The following FNIP1 variants were observed in gnomAD, a reference collection of about 807,000 sequenced individuals.
FNIP1 encodes folliculin-interacting protein 1.
Under a neutral mutation model 124.5 loss-of-function variants are expected in FNIP1, and 40 were observed. That is an observed-to-expected ratio of 0.32 (90% confidence interval 0.25 to 0.42). FNIP1 has a LOEUF of 0.42. FNIP1 is among the 10% of genes least tolerant of loss of function. The probability of loss-of-function intolerance (pLI) is 1.00; values close to 1 mark genes in which losing one functional copy is unlikely to be tolerated. For missense variants in FNIP1, 1,176 were observed against 1,403.7 expected (o/e 0.84, Z 2.59); for synonymous variants, 472 against 470.6 (o/e 1.00, Z -0.04).
At chr5:131,690,021 C>T (rs182225332) in intron 11 of FNIP1, among the ~76,000 whole-genome samples, 5 of 151,970 alleles carry the variant, frequency 3.3e-5, no homozygotes, top group Non-Finnish European at 7.4e-5. Context: ...GAGATCGAGG[C>T]CATCCTGGCT....
chr5:131,757,963 T>G (rs960501801), intron 1 of FNIP1, among the ~76,000 whole-genome samples: 1 of 152,226 alleles, frequency 6.6e-6, no homozygotes, highest in Non-Finnish European at 1.5e-5. Flanking sequence ...GGAAGACATG[T>G]GTACTTCTGC....
At chr5:131,779,719 T>C (rs1282758585) in intron 1 of FNIP1, among the ~76,000 whole-genome samples, 1 of 141,322 alleles carries the variant, frequency 7.1e-6, no homozygotes, top group East Asian at 2.1e-4. Flanking sequence ...GAAAAAGAAA[T>C]GATAGGATGT....
rs531831074 is a variant in FNIP1 at position 131,724,841 on chromosome 5, G to A, written c.355-5424C>T. ...GGGTTTTTATGGTTTTAGGTCTTAC[G>A]TTTAAGTCTTTAATCCATCTTGAAT... On this transcript the variant is annotated intron_variant, in intron 3 of 17. Coordinates refer to ENST00000510461, the MANE Select transcript of FNIP1 (RefSeq NM_133372.3). Among the ~76,000 whole-genome samples the A allele has an allele frequency of 3.7e-3, 557 of 152,236 alleles. 3 individuals carry two copies. Among genetic ancestry groups the A allele is most frequent in the African/African-American group, 0.013 (520 of 41,554 alleles).
chr5:131,693,935 G>A (rs1386654406), intron 11 of FNIP1, among the ~76,000 whole-genome samples: 3 of 151,914 alleles, frequency 2.0e-5, no homozygotes, highest in Non-Finnish European at 2.9e-5. Flanking sequence ...ACACTTCACC[G>A]AAAAAGATAC....
chr5:131,708,858 T>C (rs13357655), intron 8 of FNIP1, among the ~76,000 whole-genome samples: 7,951 of 151,730 alleles, frequency 0.052, 360 homozygotes, highest in African/African-American at 0.12. Context: ...AATATGACAA[T>C]TTAAACTTTA....
chr5:131,715,710 C>T (rs1769445888), intron 6 of FNIP1, among the ~76,000 whole-genome samples: 1 of 152,144 alleles, frequency 6.6e-6, no homozygotes, highest in Non-Finnish European at 1.5e-5. Flanking sequence ...AACACTATGA[C>T]TAGCCCACAG....
intron 1 of FNIP1, among the ~76,000 whole-genome samples, chr5:131,770,201 A>G (rs979732293): frequency 6.6e-6 from 1 of 152,238 alleles, no homozygotes; most frequent in African/African-American, 2.4e-5. Context: ...AGCAGGCCCT[A>G]ATGATCACAG....
intron 6 of FNIP1, among the ~76,000 whole-genome samples, chr5:131,714,435 T>C (rs1769399637): frequency 6.6e-6 from 1 of 152,142 alleles, no homozygotes; most frequent in Non-Finnish European, 1.5e-5. Context: ...AAAAAACAGG[T>C]AAAGGACCCG....
intron 2 of FNIP1, among the ~76,000 whole-genome samples, chr5:131,734,531 G>A (rs368446960): frequency 2.0e-5 from 3 of 152,216 alleles, no homozygotes; most frequent in South Asian, 4.1e-4. Flanking sequence ...GCAACCTACA[G>A]AATGGGAGAA....
chr5:131,671,569 C>T lies in FNIP1; in HGVS notation c.2875G>A (p.Val959Ile). Residue 959 changes from valine (V) to isoleucine (I), a missense_variant, in exon 14 of 18, where the codon GTT (valine) becomes ATT (isoleucine). Physicochemically the swap from Val to Ile is conservative, Grantham distance 29. This residue lies in a region of FNIP1 where 1,109 missense variants were observed against 1,288.5 expected (regional missense o/e 0.86). Coordinates refer to ENST00000510461, the MANE Select transcript of FNIP1 (RefSeq NM_133372.3). Reference sequence around the variant, plus strand: ...TGCTCTCCTCCATAATAACTGCTAACTTGTCTAGTCATATCATGACCTGTA... The same window carrying T: ...TGCTCTCCTCCATAATAACTGCTAATTTGTCTAGTCATATCATGACCTGTA... ...EDTGHDMTRQ[V>I]SSYYGGEQED... The T allele has an allele frequency of 1.9e-6, 3 of 1,613,648 alleles. No homozygotes were observed. Among genetic ancestry groups the T allele is most frequent in the Non-Finnish European group, 2.5e-6 (3 of 1,179,992 alleles).
At chr5:131,752,065 C>T (rs1236694600) in intron 1 of FNIP1, among the ~76,000 whole-genome samples, 1 of 151,708 alleles carries the variant, frequency 6.6e-6, no homozygotes, top group Admixed American at 6.6e-5. Flanking sequence ...TTTTTGGAGA[C>T]AAGAGTTTCG....
intron 3 of FNIP1, among the ~76,000 whole-genome samples, chr5:131,721,016 G>C (rs1415507757): frequency 2.0e-5 from 3 of 152,184 alleles, no homozygotes. Context: ...ATCTCAAAGA[G>C]ATGTTAGCAC....
intron 11 of FNIP1, among the ~76,000 whole-genome samples, chr5:131,692,215 T>C (rs944503065): frequency 2.6e-5 from 4 of 152,142 alleles, no homozygotes; most frequent in African/African-American, 9.7e-5. Context: ...CAGAATACAA[T>C]GTAAATATAC....
intron 6 of FNIP1, among the ~76,000 whole-genome samples, chr5:131,715,001 A>C (rs954452807): frequency 2.0e-5 from 3 of 152,234 alleles, no homozygotes; most frequent in Non-Finnish European, 4.4e-5. Flanking sequence ...AGAAAATAAG[A>C]AATGGTAGAC....
rs751109861 is a variant in FNIP1 at position 131,672,022 on chromosome 5, A to C, written c.2422T>G (p.Ser808Ala). 5.6e-6 allele frequency: 9 copies of C among 1,613,620 alleles called. No homozygotes were observed. Among genetic ancestry groups the C allele is most frequent in the Non-Finnish European group, 6.8e-6 (8 of 1,179,916 alleles). ...KQTTKDQSGE[S>A]DTQNMVSEEP... ...TCAGAAACCATGTTCTGTGTATCAG[A>C]CTCTCCAGATTGGTCCTTGGTTGTT... The change falls in exon 14 of 18, where the codon TCT becomes GCT. Residue 808 changes from serine (S) to alanine (A), a missense_variant. Physicochemically the swap from Ser to Ala is moderately conservative, Grantham distance 99 (BLOSUM62 1). Around this residue, in one of 2 missense-constraint regions of FNIP1, gnomAD observed 1,109 missense variants for 1,288.5 expected, o/e 0.86. Coordinates refer to ENST00000510461, the MANE Select transcript of FNIP1 (RefSeq NM_133372.3).
intron 1 of FNIP1, among the ~76,000 whole-genome samples, chr5:131,746,552 T>A (rs765924165): frequency 5.3e-5 from 8 of 152,214 alleles, no homozygotes; most frequent in Non-Finnish European, 1.2e-4. Flanking sequence ...CTGCATTAAT[T>A]CACTCAGGAT....
chr5:131,725,705 T>C (rs897266118), intron 3 of FNIP1, among the ~76,000 whole-genome samples: 5 of 152,334 alleles, frequency 3.3e-5, no homozygotes, highest in Admixed American at 1.3e-4. Context: ...TCTTGCCTGA[T>C]TGCCCTGGCC....
At chr5:131,782,694 A>G (rs1772036148) in intron 1 of FNIP1, among the ~76,000 whole-genome samples, 1 of 152,242 alleles carries the variant, frequency 6.6e-6, no homozygotes, top group African/African-American at 2.4e-5. Context: ...TCATGGGAAG[A>G]GGTGAAAATA....
intron 2 of FNIP1, among the ~76,000 whole-genome samples, chr5:131,737,039 C>T (rs1770334924): frequency 6.6e-6 from 1 of 152,106 alleles, no homozygotes; most frequent in Admixed American, 6.6e-5. Context: ...ATATTTATAA[C>T]TTTTTTTGCA....
Sources: allele counts gnomAD v4.1 joint callset (sites outside exome capture counted in the v4.1 genomes callset), GRCh38; gene constraint gnomAD v4.1.1; regional missense constraint gnomAD v4.1.1; transcripts MANE v1.5; gene names NCBI Gene and HGNC (gene_info 2026-07-23, HGNC 2026-07-21).